The following HEYL variants were observed in gnomAD, a reference collection of about 807,000 sequenced individuals.
HEYL encodes hairy/enhancer-of-split related with YRPW motif-like protein.
A neutral mutation model predicts 18.6 loss-of-function variants in HEYL; 12 were observed. The observed-to-expected ratio is 0.65, with a 90% confidence interval of 0.41 to 1.05. HEYL has a LOEUF of 1.05. Among genes scored for constraint, HEYL ranks in the 50% least tolerant of loss-of-function variants. The probability of loss-of-function intolerance (pLI) is 0.00; values close to 1 mark genes in which losing one functional copy is unlikely to be tolerated. For missense variants in HEYL, 420 were observed against 444.7 expected, an observed-to-expected ratio of 0.94 and a Z score of 0.50; for synonymous variants, 159 against 179.6, an observed-to-expected ratio of 0.89 and a Z score of 0.91.
At chr1:39,631,985 T>G (rs1382719575) in intron 2 of HEYL, among the ~76,000 whole-genome samples, 1 of 152,184 alleles carries the variant, frequency 6.6e-6, no homozygotes, top group Non-Finnish European at 1.5e-5. Context: ...TGTTGCTCTC[T>G]CTAGCTGCAG....
chr1:39,632,978 C>T, intron 1 of HEYL: 3 of 981,568 alleles, frequency 3.1e-6, no homozygotes, highest in Non-Finnish European at 3.6e-6. Context: ...GTCGGGGAAC[C>T]GCGTACCGCG....
rs370285415 is a variant in HEYL, at chr1:39,626,899, C to T, written c.595G>A (p.Val199Met). 3 of 1,608,660 alleles carry T rather than the reference C, an allele frequency of 1.9e-6. No homozygotes were observed. Among genetic ancestry groups the T allele is most frequent in the Non-Finnish European group, 2.5e-6 (3 of 1,176,698 alleles). The change falls in exon 5 of 5, where the codon GTG becomes ATG. Residue 199 changes from valine to methionine, a missense_variant. Val to Met is a conservative substitution (Grantham distance 21). Coordinates refer to ENST00000372852, the MANE Select transcript of HEYL (RefSeq NM_014571.4). ...LSNQLAILGR[V>M]PSPVLPGVSS... ...ACACCGGGGAGGACAGGGCTGGGCA[C>T]TCTTCCCAGGATGGCGAGCTGGTTG...
rs1646302446 is a variant in HEYL, at chr1:39,626,898, A to G, written c.596T>C (p.Val199Ala). 2 of 1,608,024 alleles carry G rather than the reference A, an allele frequency of 1.2e-6. No homozygotes were observed. Among genetic ancestry groups the G allele is most frequent in the Non-Finnish European group, 1.7e-6 (2 of 1,176,482 alleles). ...GACACCGGGGAGGACAGGGCTGGGC[A>G]CTCTTCCCAGGATGGCGAGCTGGTT... is the stretch of plus-strand genomic sequence containing the variant. The part of the protein sequence containing the change: ...LSNQLAILGR[V>A]PSPVLPGVSS... The change falls in exon 5 of 5, where the codon GTG (valine) becomes GCG (alanine). Residue 199 changes from valine (V) to alanine (A), a missense_variant. Coordinates refer to ENST00000372852, the MANE Select transcript of HEYL (RefSeq NM_014571.4).
intron 1 of HEYL, among the ~76,000 whole-genome samples, chr1:39,638,341 C>T (rs540228215): frequency 4.6e-5 from 7 of 152,226 alleles, no homozygotes; most frequent in Admixed American, 2.0e-4. Flanking sequence ...TCTGTAATCC[C>T]AACACTTTGG....
At chr1:39,629,639 C>T (rs1297471258) in intron 4 of HEYL, among the ~76,000 whole-genome samples, 1 of 152,214 alleles carries the variant, frequency 6.6e-6, no homozygotes, top group Non-Finnish European at 1.5e-5. Context: ...ACCAAATACA[C>T]AGAGAAACTT....
Position 39,626,540 on chromosome 1 carries a change from C to T in HEYL, c.954G>A (p.Trp318Ter), listed in dbSNP as rs1443006082. The T allele has an allele frequency of 1.3e-6, 2 of 1,546,178 alleles. No homozygotes were observed. Among genetic ancestry groups the T allele is most frequent in the South Asian group, 2.4e-5 (2 of 82,926 alleles). ...RPAGAMLYHS[W>*]VSEITEIGAF ...CCCCGATTTCAGTGATTTCAGAGAC[C>T]CAGGAGTGGTAGAGCATGGCTCCCG... is the stretch of plus-strand genomic sequence containing the variant. Residue 318 changes from tryptophan to a stop codon, truncating the protein, a stop_gained, in exon 5 of 5, where the codon TGG (tryptophan) becomes TGA (stop). Coordinates refer to ENST00000372852, the MANE Select transcript of HEYL (RefSeq NM_014571.4). LOFTEE classifies it high-confidence loss of function.
At chr1:39,638,730 C>G (rs1464219180) in intron 1 of HEYL, among the ~76,000 whole-genome samples, 1 of 152,186 alleles carries the variant, frequency 6.6e-6, no homozygotes, top group Admixed American at 6.5e-5. Context: ...ATGGTGTGTA[C>G]CTAGGCATGT....
At chr1:39,634,934 G>A (rs1646354980) in intron 1 of HEYL, among the ~76,000 whole-genome samples, 1 of 152,152 alleles carries the variant, frequency 6.6e-6, no homozygotes, top group South Asian at 2.1e-4. Context: ...AGAGATGTAA[G>A]CACCATAAAA....
At chr1:39,631,770 C>T (rs1396112959) in intron 2 of HEYL, among the ~76,000 whole-genome samples, 191 bp from the exon 3 acceptor site, 1 of 152,196 alleles carries the variant, frequency 6.6e-6, no homozygotes, top group African/African-American at 2.4e-5. Flanking sequence ...AGCAAGAAAG[C>T]GCAGAGCTGG....
chr1:39,626,144 C>T lies in HEYL; in HGVS notation c.*363G>A, dbSNP rs1325073628. The T allele has an allele frequency of 5.1e-6, 1 of 197,290 alleles. No homozygotes were observed. Among genetic ancestry groups the T allele is most frequent in the African/African-American group, 2.4e-5 (1 of 41,930 alleles). The allele number at this position is 197,290 out of a possible 1,614,324, so 12.2% of individuals were successfully genotyped here. Reference sequence around the variant, plus strand: ...CCCAAGGAACAGCCTGCCTTGGGTCCTGGTGCCCTGCAGGTTAAAGCTTTT... The same window carrying T: ...CCCAAGGAACAGCCTGCCTTGGGTCTTGGTGCCCTGCAGGTTAAAGCTTTT... On this transcript the variant is annotated 3_prime_UTR_variant, in exon 5 of 5. Coordinates refer to ENST00000372852, the MANE Select transcript of HEYL (RefSeq NM_014571.4).
intron 3 of HEYL, 146 bp downstream of exon 3, chr1:39,631,350 C>T: frequency 1.5e-6 from 1 of 679,634 alleles, no homozygotes; most frequent in Non-Finnish European, 2.6e-6. Flanking sequence ...ATTTCCATTC[C>T]TTTTACCCTG....
chr1:39,627,131 A>G lies in HEYL; in HGVS notation c.363T>C (p.Phe121=). 6.2e-7 allele frequency: 1 copy of G among 1,613,984 alleles called. No homozygotes were observed. The highest frequency in any genetic ancestry group is 8.5e-7 in the Non-Finnish European group (1 of 1,179,888). Residue 121 remains phenylalanine (F), a synonymous_variant, in exon 5 of 5, where the codon TTT becomes TTC. Coordinates refer to ENST00000372852, the MANE Select transcript of HEYL (RefSeq NM_014571.4). ...ALAVDFRSIG[F]RECLTEVIRY... is the part of the protein sequence containing the mutation. ...TGATGACCTCAGTGAGGCACTCCCG[A>G]AAACCAATGCTCCGGAAGTCAACTG... is the stretch of plus-strand genomic sequence containing the variant.
intron 1 of HEYL, among the ~76,000 whole-genome samples, chr1:39,637,570 G>A (rs185898246): frequency 1.3e-5 from 2 of 152,162 alleles, no homozygotes; most frequent in African/African-American, 4.8e-5. Context: ...GATGTCTGCT[G>A]GGGGAAGGGC....
chr1:39,636,355 C>T (rs912581378), intron 1 of HEYL, among the ~76,000 whole-genome samples: 3 of 152,072 alleles, frequency 2.0e-5, no homozygotes, highest in African/African-American at 7.2e-5. Context: ...CAACCTCCGC[C>T]TCCCAGGTTC....
At chr1:39,628,165 T>C (rs982626171) in intron 4 of HEYL, among the ~76,000 whole-genome samples, 1 of 152,264 alleles carries the variant, frequency 6.6e-6, no homozygotes, top group Non-Finnish European at 1.5e-5. Flanking sequence ...ACAGCTCAGC[T>C]GGAGACTATG....
Position 39,630,276 on chromosome 1 carries a change from C to T in HEYL, c.264G>A (p.Leu88=). 3 of 1,614,138 alleles carry T rather than the reference C, an allele frequency of 1.9e-6. No individual in the cohort carries two copies. The highest frequency in any genetic ancestry group is 3.3e-5 in the Admixed American group (2 of 60,032). The change falls in exon 4 of 5, where the codon TTG becomes TTA. Residue 88 remains leucine (L), a synonymous_variant. Coordinates refer to ENST00000372852, the MANE Select transcript of HEYL (RefSeq NM_014571.4). ...TTTTCAAGTGATCCACCGTCATCTG[C>T]AAGACCTCGGCTTTCTCCAGCTTGG... ...GSSKLEKAEV[L]QMTVDHLKML...
chr1:39,628,480 T>A (rs1477336158), intron 4 of HEYL, among the ~76,000 whole-genome samples: 2 of 152,224 alleles, frequency 1.3e-5, no homozygotes, highest in Non-Finnish European at 2.9e-5. Flanking sequence ...GGTTTCACCA[T>A]GTTGGCCAGG....
At chr1:39,635,168 C>G (rs1006265699) in intron 1 of HEYL, among the ~76,000 whole-genome samples, 2 of 152,218 alleles carry the variant, frequency 1.3e-5, no homozygotes, top group Non-Finnish European at 1.5e-5. Flanking sequence ...AACATCTGGA[C>G]AAGCCGACCT....
intron 1 of HEYL, among the ~76,000 whole-genome samples, chr1:39,634,456 C>T (rs1218951614): frequency 1.3e-5 from 2 of 152,150 alleles, no homozygotes; most frequent in African/African-American, 2.4e-5. Flanking sequence ...CCTGTCAACC[C>T]CTCTAGACTC....
Sources: allele counts gnomAD v4.1 joint callset (sites outside exome capture counted in the v4.1 genomes callset), GRCh38; gene constraint gnomAD v4.1.1; transcripts MANE v1.5; gene names NCBI Gene and HGNC (gene_info 2026-07-23, HGNC 2026-07-21).